Variants in ATP8B4 observed in about 807,000 individuals in gnomAD.
ATP8B4 encodes the protein probable phospholipid-transporting ATPase IM.
A neutral mutation model predicts 145.6 loss-of-function variants in ATP8B4; 133 were observed. The ratio of observed to expected loss-of-function variants is 0.91; its 90% CI spans 0.79 to 1.05. The LOEUF is 1.05. Ranked by LOEUF, ATP8B4 falls within the 50% of genes least tolerant of loss-of-function variation. The pLI, the probability that ATP8B4 is intolerant of heterozygous loss-of-function variation, is 0.00. For synonymous variants in ATP8B4, 507 were observed against 492.9 expected (o/e 1.03, Z -0.38); for missense variants, 1,458 against 1,425.2 (o/e 1.02, Z -0.37).
At chr15:50,127,241 A>G (rs964272786) in intron 1 of ATP8B4, among the ~76,000 whole-genome samples, 1 of 152,192 alleles carries the variant, frequency 6.6e-6, no homozygotes, top group Non-Finnish European at 1.5e-5. Flanking sequence ...TTGGGTTTTA[A>G]GATTAGCTGC....
intron 1 of ATP8B4, among the ~76,000 whole-genome samples, chr15:50,151,740 C>CAAAAA (rs58413585): frequency 1.1e-5 from 1 of 91,788 alleles, no homozygotes. Context: ...GAACCTGTCT[C>CAAAAA]AAAAAAAAAA....
At chr15:49,990,293 T>G (rs2046951257) in intron 9 of ATP8B4, among the ~76,000 whole-genome samples, 1 of 152,156 alleles carries the variant, frequency 6.6e-6, no homozygotes. Context: ...AGGCAGTAAA[T>G]GATCAGTTTG....
intron 3 of ATP8B4, among the ~76,000 whole-genome samples, chr15:50,048,517 G>A (rs761688159): frequency 6.6e-6 from 1 of 151,982 alleles, no homozygotes; most frequent in African/African-American, 2.4e-5. Context: ...AGACCAGCCT[G>A]GCCAACAAGA....
intron 3 of ATP8B4, among the ~76,000 whole-genome samples, chr15:50,056,587 A>G (rs1399174464): frequency 1.3e-5 from 2 of 152,110 alleles, no homozygotes; most frequent in African/African-American, 4.8e-5. Flanking sequence ...CTGGGTGCCC[A>G]AAAGAATCCT....
intron 6 of ATP8B4, among the ~76,000 whole-genome samples, chr15:50,029,659 G>A (rs754824492): frequency 3.3e-5 from 5 of 152,136 alleles, no homozygotes; most frequent in African/African-American, 7.2e-5. Context: ...ACAGTAGGAC[G>A]TGGTATAAAA....
Position 50,029,238 on chromosome 15 carries a change from T to TAAA in ATP8B4, c.362+9527_362+9529dup, listed in dbSNP as rs58363112. The stretch of plus-strand genomic sequence containing the variant: ...CTGGCAACAGAGCAAGACTCCATCT[T>TAAA]AAAAAAAAAAAAAAAAAAACAGAAA... On this transcript the variant is annotated intron_variant, in intron 6 of 27. Coordinates refer to ENST00000284509, the MANE Select transcript of ATP8B4 (RefSeq NM_024837.4). Among the ~76,000 whole-genome samples the TAAA allele has an allele frequency of 2.1e-4, 16 of 76,614 alleles. 1 individual carries two copies. Among genetic ancestry groups the TAAA allele is most frequent in the South Asian group, 5.6e-4 (1 of 1,770 alleles). 50.3% of individuals were successfully genotyped at this position (76,614 alleles called of 152,430 possible).
intron 25 of ATP8B4, among the ~76,000 whole-genome samples, chr15:49,868,733 GA>G (rs2033214387): frequency 6.6e-6 from 1 of 152,100 alleles, no homozygotes; most frequent in Non-Finnish European, 1.5e-5. Context: ...TTTAATTGAA[GA>G]AGCATAAGGA....
chr15:50,150,824 G>A (rs774848189), intron 1 of ATP8B4, among the ~76,000 whole-genome samples: 1 of 152,180 alleles, frequency 6.6e-6, no homozygotes, highest in Admixed American at 6.5e-5. Flanking sequence ...TTGCATAATG[G>A]TTTTGAGACA....
At chr15:50,123,941 T>A (rs931922282), upstream of ATP8B4, among the ~76,000 whole-genome samples, 4 of 152,100 alleles carry the variant, frequency 2.6e-5, no homozygotes, top group African/African-American at 7.2e-5. Flanking sequence ...TAAAGATAAT[T>A]CAAAGTTTTA....
chr15:50,058,820 A>T (rs956290360), intron 3 of ATP8B4, among the ~76,000 whole-genome samples: 3 of 151,760 alleles, frequency 2.0e-5, no homozygotes, highest in East Asian at 1.9e-4. Context: ...TATTCAAACA[A>T]ACCCACAACA....
chr15:49,889,536 C>A (rs1472051794), intron 23 of ATP8B4, among the ~76,000 whole-genome samples: 2 of 152,218 alleles, frequency 1.3e-5, no homozygotes, highest in Admixed American at 1.3e-4. Flanking sequence ...CAGACTACAT[C>A]ACATCACCAT....
intron 9 of ATP8B4, among the ~76,000 whole-genome samples, chr15:49,991,388 A>C (rs2047034700): frequency 6.6e-6 from 1 of 152,216 alleles, no homozygotes; most frequent in Non-Finnish European, 1.5e-5. Flanking sequence ...TCAGTCAGTA[A>C]CAATATGCAA....
chr15:50,073,011 TATATATATACAC>T (rs1482170389), intron 3 of ATP8B4, among the ~76,000 whole-genome samples: 1,067 of 44,764 alleles, frequency 0.024, 62 homozygotes, highest in Middle Eastern at 0.037. Flanking sequence ...TATATATATA[TATATATATACAC>T]ACACACACAC....
intron 14 of ATP8B4, among the ~76,000 whole-genome samples, chr15:49,950,616 A>AAAAAAAAAAAAAACAACAAC (rs1567059687): frequency 6.0e-5 from 6 of 100,248 alleles, no homozygotes; most frequent in Non-Finnish European, 8.9e-5. Flanking sequence ...ACAAACAAAC[A>AAAAAAAAAAAAAACAACAAC]AACAAAAAAA....
At chr15:50,092,892 A>C (rs184404057) in intron 2 of ATP8B4, among the ~76,000 whole-genome samples, 13 of 152,082 alleles carry the variant, frequency 8.5e-5, no homozygotes, top group Admixed American at 8.5e-4. Flanking sequence ...CTGGATAAAA[A>C]AAGAAACTAT....
intron 9 of ATP8B4, among the ~76,000 whole-genome samples, chr15:49,989,236 CA>C (rs1449224817): frequency 6.6e-6 from 1 of 152,192 alleles, no homozygotes; most frequent in Non-Finnish European, 1.5e-5. Context: ...GATGAGGAGA[CA>C]TTTTCTAAAT....
intron 7 of ATP8B4, among the ~76,000 whole-genome samples, chr15:50,004,711 C>T (rs539097248): frequency 1.3e-5 from 2 of 152,156 alleles, no homozygotes; most frequent in Admixed American, 6.5e-5. Flanking sequence ...CAAAGTAAGG[C>T]CCAGAGGGCT....
intron 3 of ATP8B4, among the ~76,000 whole-genome samples, chr15:50,072,974 C>G (rs1355559299): frequency 3.7e-5 from 1 of 26,854 alleles, no homozygotes; most frequent in African/African-American, 1.6e-4. Flanking sequence ...CTCTCTCTCT[C>G]TCTCTCTATA....
chr15:50,130,956 T>C (rs1424398864), intron 1 of ATP8B4, among the ~76,000 whole-genome samples: 1 of 152,148 alleles, frequency 6.6e-6, no homozygotes, highest in Admixed American at 6.5e-5. Context: ...AGTTTCAGCA[T>C]GGCTGGGGAG....
Sources: gnomAD v4.1 joint callset for allele counts (sites outside exome capture counted in the v4.1 genomes callset) on GRCh38, gnomAD v4.1.1 for gene constraint, MANE v1.5 for transcripts, NCBI Gene and HGNC (gene_info 2026-07-23, HGNC 2026-07-21) for gene names.